Variants in ADAM12 observed in about 807,000 individuals in gnomAD.
ADAM12 encodes the protein disintegrin and metalloproteinase domain-containing protein 12.
ADAM12 carries 70 observed loss-of-function variants against 106.4 expected under a neutral mutation model. That is an observed-to-expected ratio of 0.66 (90% CI 0.54 to 0.80). The LOEUF is 0.80. ADAM12 is among the 30% of genes least tolerant of loss of function. The pLI is 0.00. For synonymous variants in ADAM12, 420 were observed against 433.5 expected (o/e 0.97, Z 0.39); for missense variants, 1,010 against 1,171.9 (o/e 0.86, Z 2.02).
intron 3 of ADAM12, among the ~76,000 whole-genome samples, chr10:126,211,188 G>C (rs1295618284): frequency 6.6e-6 from 1 of 152,130 alleles, no homozygotes; most frequent in Non-Finnish European, 1.5e-5. Context: ...AATGAAGGTG[G>C]AGCTTCCCTT....
chr10:126,121,499 AATATAAT>A (rs1199761473), intron 5 of ADAM12, among the ~76,000 whole-genome samples: 1 of 25,596 alleles, frequency 3.9e-5, no homozygotes, highest in Non-Finnish European at 8.8e-5. Context: ...AACAATATAT[AATATAAT>A]AGAAAATTAT....
At chr10:126,297,975 C>T (rs1030185397) in intron 2 of ADAM12, among the ~76,000 whole-genome samples, 3 of 152,058 alleles carry the variant, frequency 2.0e-5, no homozygotes, top group Non-Finnish European at 4.4e-5. Flanking sequence ...ACTCCCCACT[C>T]CAGGGTTTGG....
In ADAM12 at chr10:126,067,972, T is replaced by C. The variant is rs139091998; in HGVS notation, c.1324-1166A>G. ...ACCCAGATACTGAAACTATATCCTA[T>C]GTAAAACTCTAATTATGCTCTCATT... On this transcript the variant is annotated intron_variant, in intron 12 of 22. Transcript: ENST00000448723. Among the ~76,000 whole-genome samples the C allele has an allele frequency of 1.1e-3, 168 of 152,336 alleles. 1 individual carries two copies. The highest frequency in any genetic ancestry group is 3.8e-3 in the African/African-American group (158 of 41,566).
intron 3 of ADAM12, among the ~76,000 whole-genome samples, chr10:126,213,785 C>T (rs186742340): frequency 1.8e-4 from 27 of 152,294 alleles, no homozygotes; most frequent in Admixed American, 1.4e-3. Context: ...TAACAATGTC[C>T]TTGAAAATTT....
chr10:126,047,947 G>T (rs528136574), intron 16 of ADAM12, among the ~76,000 whole-genome samples: 2 of 152,342 alleles, frequency 1.3e-5, no homozygotes, highest in Admixed American at 1.3e-4. Flanking sequence ...ATACACCATG[G>T]AATACTATGC....
intron 3 of ADAM12, among the ~76,000 whole-genome samples, chr10:126,214,727 G>A (rs529908699): frequency 1.1e-3 from 169 of 152,354 alleles, no homozygotes; most frequent in Non-Finnish European, 2.2e-3. Flanking sequence ...ACGTTTTTGA[G>A]AAGAGTATCT....
chr10:126,172,524 A>G (rs12268004), intron 3 of ADAM12, among the ~76,000 whole-genome samples: 11,723 of 152,338 alleles, frequency 0.077, 600 homozygotes, highest in Non-Finnish European at 0.11. Context: ...ATCACTGATC[A>G]TTAGAGAAAT....
intron 1 of ADAM12, among the ~76,000 whole-genome samples, chr10:126,343,384 T>G (rs1306588444): frequency 6.6e-6 from 1 of 152,218 alleles, no homozygotes; most frequent in Admixed American, 6.5e-5. Flanking sequence ...CTGCATAGTA[T>G]TCCATGGTGT....
intron 3 of ADAM12, among the ~76,000 whole-genome samples, chr10:126,205,408 G>C (rs1957777343): frequency 6.6e-6 from 1 of 151,706 alleles, no homozygotes. Flanking sequence ...TGAATCACTG[G>C]AATACACTTT....
At chr10:126,109,924 A>G (rs1955839834) in intron 6 of ADAM12, 84 bp from the exon 7 acceptor site, 1 of 1,373,224 alleles carries the variant, frequency 7.3e-7, no homozygotes, top group African/African-American at 1.4e-5. Context: ...TAAACACTTT[A>G]GGTTGAGAAT....
chr10:126,362,712 C>T (rs1251705928), intron 1 of ADAM12, among the ~76,000 whole-genome samples: 3 of 152,120 alleles, frequency 2.0e-5, no homozygotes, highest in Non-Finnish European at 4.4e-5. Context: ...TGTGTGTTCT[C>T]ATTTATATGT....
intron 2 of ADAM12, among the ~76,000 whole-genome samples, chr10:126,302,480 C>A (rs1165446927): frequency 2.0e-5 from 3 of 151,932 alleles, no homozygotes; most frequent in Non-Finnish European, 4.4e-5. Flanking sequence ...GAAATGATGA[C>A]GAGAAGAAAG....
At chr10:126,379,215 C>A (rs879329400) in intron 1 of ADAM12, among the ~76,000 whole-genome samples, 5 of 152,186 alleles carry the variant, frequency 3.3e-5, no homozygotes, top group Non-Finnish European at 5.9e-5. Flanking sequence ...GATTATAAAT[C>A]ATTCCACTAT....
intron 21 of ADAM12, among the ~76,000 whole-genome samples, chr10:126,023,073 G>C (rs1187212995): frequency 6.6e-6 from 1 of 152,190 alleles, no homozygotes; most frequent in African/African-American, 2.4e-5. Flanking sequence ...ATCTCTGCAG[G>C]AAGACTGGAA....
chr10:126,036,824 A>G (rs1050258261), intron 20 of ADAM12, among the ~76,000 whole-genome samples: 4 of 152,238 alleles, frequency 2.6e-5, no homozygotes, highest in Admixed American at 2.6e-4. Flanking sequence ...TTCTTAGAAC[A>G]GGTGCTGCAG....
At chr10:126,028,315 C>T (rs1953914282) in intron 21 of ADAM12, among the ~76,000 whole-genome samples, 1 of 152,080 alleles carries the variant, frequency 6.6e-6, no homozygotes, top group Non-Finnish European at 1.5e-5. Context: ...TTAGAAAAAA[C>T]TAAAAATTCA....
At chr10:126,344,352 T>C (rs1414082619) in intron 1 of ADAM12, among the ~76,000 whole-genome samples, 3 of 152,226 alleles carry the variant, frequency 2.0e-5, no homozygotes, top group African/African-American at 7.2e-5. Flanking sequence ...GTATTATTTC[T>C]GAGGGCTCTG....
At position 126,388,014 on chromosome 10, in the gene ADAM12, C is replaced by G; in HGVS notation, c.88+44G>C. 1 of 1,195,788 alleles carries G rather than the reference C, an allele frequency of 8.4e-7. No homozygotes were observed. Among genetic ancestry groups the G allele is most frequent in the African/African-American group, 1.6e-5 (1 of 63,012 alleles). The allele number at this position is 1,195,788 out of a possible 1,614,324, so 74.1% of individuals were successfully genotyped here. On this transcript the variant is annotated intron_variant, in intron 1 of 22. Transcript: ENST00000448723. This position sits in a 1 kb window ranked among gnomAD's most constrained non-coding sequence, Gnocchi z 4.4. Reference sequence around the variant, plus strand: ...CGCGCCCAGGCGCAGCGTGCGGTGCCCTCGGCGGGGCGGGCAGCGAGCCGC... The same window carrying G: ...CGCGCCCAGGCGCAGCGTGCGGTGCGCTCGGCGGGGCGGGCAGCGAGCCGC...
intron 4 of ADAM12, among the ~76,000 whole-genome samples, chr10:126,150,869 C>A (rs929077779): frequency 1.9e-4 from 29 of 152,148 alleles, no homozygotes; most frequent in Admixed American, 4.6e-4. Context: ...AAGGTTTCAT[C>A]CCCATCTTGG....
Sources: gnomAD v4.1 joint callset for allele counts (sites outside exome capture counted in the v4.1 genomes callset) on GRCh38, gnomAD v4.1.1 for gene constraint, Gnocchi (gnomAD v3.1) non-coding constraint, MANE v1.5 for transcripts, NCBI Gene and HGNC (gene_info 2026-07-23, HGNC 2026-07-21) for gene names.